Variants in GRIK4 observed in about 807,000 individuals in gnomAD.
GRIK4 encodes the protein glutamate receptor ionotropic, kainate 4.
A neutral mutation model predicts 104.9 loss-of-function variants in GRIK4; 40 were observed. The observed-to-expected ratio is 0.38, with a 90% CI of 0.30 to 0.50. The LOEUF is 0.50. GRIK4 is among the 20% of genes least tolerant of loss of function. The pLI is 0.93. For synonymous variants in GRIK4, 485 were observed against 524.9 expected, an observed-to-expected ratio of 0.92 and a Z score of 1.04; for missense variants, 1,047 against 1,308.1, an observed-to-expected ratio of 0.80 and a Z score of 3.08.
intron 1 of GRIK4, among the ~76,000 whole-genome samples, chr11:120,592,829 A>G (rs1301094341): frequency 6.6e-6 from 1 of 152,024 alleles, no homozygotes; most frequent in Non-Finnish European, 1.5e-5. Context: ...TCACCTTCTC[A>G]GGGATCTCAC....
At chr11:120,833,920 A>G (rs1190346364) in intron 7 of GRIK4, among the ~76,000 whole-genome samples, 1 of 152,236 alleles carries the variant, frequency 6.6e-6, no homozygotes, top group Non-Finnish European at 1.5e-5. Context: ...GAAATATTTT[A>G]ATGGCTGCCT....
chr11:120,749,556 G>A (rs1277236654), intron 3 of GRIK4, among the ~76,000 whole-genome samples: 4 of 152,226 alleles, frequency 2.6e-5, no homozygotes, highest in South Asian at 4.1e-4. Context: ...GTGCAAGACA[G>A]AGCAGAGGAA....
At chr11:120,861,916 C>T (rs779972668) in intron 8 of GRIK4, 43 bp from the exon 9 acceptor site, 3 of 1,496,790 alleles carry the variant, frequency 2.0e-6, no homozygotes, top group Non-Finnish European at 2.8e-6. Context: ...TCACTTCACC[C>T]CTTCCTAACT....
chr11:120,712,336 A>G (rs1398137982), intron 3 of GRIK4, among the ~76,000 whole-genome samples: 1 of 152,116 alleles, frequency 6.6e-6, no homozygotes, highest in Non-Finnish European at 1.5e-5. Context: ...TTAAGAGAGG[A>G]AAAGAAACCA....
At chr11:120,519,876 T>TG (rs1267501060) in intron 1 of GRIK4, among the ~76,000 whole-genome samples, 1 of 110,954 alleles carries the variant, frequency 9.0e-6, no homozygotes, top group Middle Eastern at 4.2e-3. Context: ...TTTTTTTTTT[T>TG]TTTGTTTTTT....
chr11:120,831,348 A>G (rs151050392), intron 6 of GRIK4, among the ~76,000 whole-genome samples: 2,776 of 152,332 alleles, frequency 0.018, 64 homozygotes, highest in African/African-American at 0.055. Flanking sequence ...AGCCCTTCAC[A>G]CGTGGCCTCT....
intron 14 of GRIK4, among the ~76,000 whole-genome samples, chr11:120,949,358 A>G (rs1279219926): frequency 6.6e-6 from 1 of 152,188 alleles, no homozygotes; most frequent in African/African-American, 2.4e-5. Context: ...CCAAATGTCA[A>G]GGGAGCTAAT....
intron 3 of GRIK4, among the ~76,000 whole-genome samples, chr11:120,715,268 G>A (rs1481779681): frequency 6.6e-6 from 1 of 152,208 alleles, no homozygotes; most frequent in Non-Finnish European, 1.5e-5. Context: ...ACAGTCCCGA[G>A]GAGCCCCAAC....
chr11:120,581,673 C>G (rs764785677), intron 1 of GRIK4, among the ~76,000 whole-genome samples: 1 of 152,032 alleles, frequency 6.6e-6, no homozygotes, highest in South Asian at 2.1e-4. Context: ...TGCCTTTTTG[C>G]GACGGGCTTA....
At chr11:120,897,412 A>C (rs1484661306) in intron 11 of GRIK4, among the ~76,000 whole-genome samples, 2 of 151,286 alleles carry the variant, frequency 1.3e-5, no homozygotes, top group Non-Finnish European at 2.9e-5. Flanking sequence ...AGGTGGGTGG[A>C]TCTTGAGGCC....
At chr11:120,878,217 A>G (rs754740835) in intron 11 of GRIK4, among the ~76,000 whole-genome samples, 4 of 152,214 alleles carry the variant, frequency 2.6e-5, no homozygotes, top group Admixed American at 1.3e-4. Context: ...TCTCAAATGT[A>G]GACGTGCACC....
intron 1 of GRIK4, among the ~76,000 whole-genome samples, chr11:120,629,091 G>T (rs1338819741): frequency 6.6e-6 from 1 of 152,128 alleles, no homozygotes; most frequent in Admixed American, 6.5e-5. Flanking sequence ...TGGGAAGCCT[G>T]GTGTAGCCAT....
intron 1 of GRIK4, among the ~76,000 whole-genome samples, chr11:120,629,411 C>T (rs1403571208): frequency 6.6e-6 from 1 of 152,108 alleles, no homozygotes; most frequent in Non-Finnish European, 1.5e-5. Flanking sequence ...TCCGAGTACA[C>T]GCATATTCAG....
rs759972314 is a variant in GRIK4, at chr11:120,940,614, G to A, written c.1590+154G>A. Among the ~76,000 whole-genome samples, 1 of 152,130 alleles carries A rather than the reference G, an allele frequency of 6.6e-6. No homozygotes were observed. The highest frequency in any genetic ancestry group is 2.4e-5 in the African/African-American group (1 of 41,434). ...CTATTTTTTCTCCTATCATCTGCAC[G>A]AACTTGCAAACTGAAGGGATGGAAA... On this transcript the variant is annotated intron_variant, in intron 14 of 20. Transcript: ENST00000527524. The surrounding 1 kb of genome is among the most constrained non-coding windows in gnomAD (Gnocchi z 4.3).
chr11:120,783,113 C>G (rs571330637), intron 3 of GRIK4, among the ~76,000 whole-genome samples: 1 of 152,228 alleles, frequency 6.6e-6, no homozygotes, highest in Non-Finnish European at 1.5e-5. Flanking sequence ...GAACTCCCTA[C>G]AATGCAGACA....
Position 120,787,847 on chromosome 11 carries a change from C to CTTCTTTTT in GRIK4, c.83-14844_83-14843insCTTTTTTT, listed in dbSNP as rs1565352273. Among the ~76,000 whole-genome samples the CTTCTTTTT allele has an allele frequency of 5.8e-4, 32 of 55,576 alleles. 1 individual carries two copies. The highest frequency in any genetic ancestry group is 2.1e-3 in the African/African-American group (31 of 14,526). The allele number at this position is 55,576 out of a possible 152,430, so 36.5% of individuals were successfully genotyped here. On this transcript the variant is annotated intron_variant, in intron 3 of 20. Coordinates refer to ENST00000527524, the MANE Select transcript of GRIK4 (RefSeq NM_014619.5). ...TTATATTTCTTCTCTTTTTTCTTTT[C>CTTCTTTTT]TTTTCTTTTTTTTTTTTTTTTTTTT... is the stretch of plus-strand genomic sequence containing the variant.
intron 15 of GRIK4, among the ~76,000 whole-genome samples, chr11:120,955,581 G>A (rs1944125684): frequency 6.6e-6 from 1 of 152,228 alleles, no homozygotes; most frequent in Admixed American, 6.5e-5. Context: ...GGAAGAGCAG[G>A]CATTCTGGGC....
rs577930021 is a variant in GRIK4 at position 120,908,460 on chromosome 11, C to CACAG, written c.1476+2968_1476+2969insCAGA. On this transcript the variant is annotated intron_variant, in intron 13 of 20. Transcript: ENST00000527524. Reference sequence around the variant, plus strand: ...ACATACACACACACACACACACACACAGAGAGATTGAGAATTTGGCATACA... The same window carrying CACAG: ...ACATACACACACACACACACACACACACAGAGAGAGATTGAGAATTTGGCATACA... Among the ~76,000 whole-genome samples, 553 of 151,068 alleles carry CACAG rather than the reference C, an allele frequency of 3.7e-3. 3 individuals are homozygous for CACAG. Among genetic ancestry groups the CACAG allele is most frequent in the African/African-American group, 1.0e-2 (411 of 41,148 alleles).
intron 1 of GRIK4, among the ~76,000 whole-genome samples, chr11:120,580,227 CTTT>C (rs1434849367): frequency 2.1e-5 from 3 of 139,676 alleles, no homozygotes; most frequent in Admixed American, 1.4e-4. Flanking sequence ...TTCTTTCTTT[CTTT>C]CTTTCTTTCT....
Sources: gnomAD v4.1 joint callset for allele counts (sites outside exome capture counted in the v4.1 genomes callset) on GRCh38, gnomAD v4.1.1 for gene constraint, Gnocchi (gnomAD v3.1) non-coding constraint, MANE v1.5 for transcripts, NCBI Gene and HGNC (gene_info 2026-07-23, HGNC 2026-07-21) for gene names.